The following TMEM237 variants were observed in gnomAD, a reference collection of about 807,000 sequenced individuals.
TMEM237 encodes transmembrane protein 237.
Under a neutral mutation model 59.1 loss-of-function variants are expected in TMEM237, and 51 were observed. The observed-to-expected ratio is 0.86, with a 90% CI of 0.69 to 1.09. The LOEUF (loss-of-function observed/expected upper bound fraction) is 1.09. TMEM237 is among the 50% of genes least tolerant of loss of function. The pLI is 0.00. For missense variants in TMEM237, 475 were observed against 478.3 expected, an observed-to-expected ratio of 0.99 and a Z score of 0.06; for synonymous variants, 140 against 166.1, an observed-to-expected ratio of 0.84 and a Z score of 1.21.
intron 7 of TMEM237, chr2:201,630,860 G>C (rs1436784620): frequency 6.6e-6 from 1 of 152,006 alleles, no homozygotes; most frequent in Non-Finnish European, 1.5e-5. Context: ...GTTTCTTATT[G>C]GCCAAGAACT....
At chr2:201,633,200 A>T in intron 6 of TMEM237, 111 bp downstream of exon 6, 1 of 1,086,312 alleles carries the variant, frequency 9.2e-7, no homozygotes, top group Non-Finnish European at 1.2e-6. Context: ...TCCTAGAGGT[A>T]CACAAATACA....
rs569136968 is a variant in TMEM237, at chr2:201,629,073, C to A, written c.869+157G>T. 2.0e-5 allele frequency among the ~76,000 whole-genome samples: 3 copies of A among 152,224 alleles called. No individual in the cohort carries two copies. In the South Asian group the frequency reaches 6.2e-4, roughly 32 times the overall value. On this transcript the variant is annotated intron_variant, in intron 9 of 12. Coordinates refer to ENST00000409883, the MANE Select transcript of TMEM237 (RefSeq NM_001044385.3). ...AATATTTTGTTTACAATGGTCTCAT[C>A]CCCTCAAAAAAGAACAGAAGTAGAC...
At chr2:201,625,919 G>T in intron 12 of TMEM237, 107 bp downstream of exon 12, 2 of 1,110,626 alleles carry the variant, frequency 1.8e-6, no homozygotes, top group Non-Finnish European at 1.2e-6. Flanking sequence ...TAATTTAAAT[G>T]TGTCTTTGTT....
chr2:201,642,877 G>A (rs1322661880), intron 1 of TMEM237: 3 of 1,335,734 alleles, frequency 2.2e-6, no homozygotes, highest in Admixed American at 3.9e-5. Context: ...GAAATCTGGC[G>A]ACCGTGGCGC....
chr2:201,624,341 A>G lies in TMEM237; in HGVS notation c.1160-19T>C. 6.3e-7 allele frequency: 1 copy of G among 1,599,422 alleles called. No individual in the cohort carries two copies. On this transcript the variant is annotated intron_variant, in intron 12 of 12. Transcript: ENST00000409883. ...ATTAACTCTGGAGAAGAAAATGAACAGATCATACTTAAAATTGTTTCCCAG... is the reference window on the plus strand; with the variant it reads ...ATTAACTCTGGAGAAGAAAATGAACGGATCATACTTAAAATTGTTTCCCAG...
At position 201,633,406 on chromosome 2, in the gene TMEM237, C is replaced by A. The variant is rs757355382; in HGVS notation, c.300G>T (p.Lys100Asn). ...PLELETSSTQKKSSSSSLLRN... is the reference protein window; with the variant it reads ...PLELETSSTQNKSSSSSLLRN... ...GTAATAAAGATGAACTAGATGACTT[C>A]TTTTGGGTGGAGGAAGTCTCCAATT... Residue 100 changes from lysine (K) to asparagine (N), a missense_variant, in exon 6 of 13, where the codon AAG (lysine) becomes AAT (asparagine). Lys to Asn is a moderately conservative substitution (Grantham distance 94). Coordinates refer to ENST00000409883, the MANE Select transcript of TMEM237 (RefSeq NM_001044385.3). The A allele has an allele frequency of 3.8e-5, 59 of 1,568,182 alleles. No individual in the cohort carries two copies. Among genetic ancestry groups the A allele is most frequent in the Non-Finnish European group, 4.9e-5 (57 of 1,156,416 alleles).
intron 1 of TMEM237, among the ~76,000 whole-genome samples, chr2:201,641,730 T>TACAC (rs10673016): frequency 2.7e-5 from 4 of 150,740 alleles, no homozygotes; most frequent in Non-Finnish European, 3.0e-5. Flanking sequence ...ATACACAAGA[T>TACAC]ACACACACAC....
chr2:201,641,241 C>T (rs1383870118), intron 1 of TMEM237, among the ~76,000 whole-genome samples: 1 of 152,164 alleles, frequency 6.6e-6, no homozygotes, highest in Non-Finnish European at 1.5e-5. Context: ...ATCCGCCCAC[C>T]TTGGCCTCTG....
chr2:201,634,219 G>C (rs1447703464), intron 5 of TMEM237, among the ~76,000 whole-genome samples: 1 of 152,086 alleles, frequency 6.6e-6, no homozygotes, highest in African/African-American at 2.4e-5. Flanking sequence ...CTGCACACAG[G>C]GTAGGTATTA....
intron 4 of TMEM237, among the ~76,000 whole-genome samples, chr2:201,638,252 GTTGT>G (rs368407382): frequency 3.3e-5 from 5 of 152,156 alleles, no homozygotes; most frequent in East Asian, 1.9e-4. Flanking sequence ...TGTTTTTGTT[GTTGT>G]TTGTTTGTTT....
intron 7 of TMEM237, 71 bp downstream of exon 7, chr2:201,631,980 T>A (rs1396006627): frequency 6.6e-7 from 1 of 1,507,776 alleles, no homozygotes; most frequent in East Asian, 2.3e-5. Flanking sequence ...AATTCAGATT[T>A]CCAGAAGTAT....
chr2:201,629,487 A>T, intron 8 of TMEM237, 66 bp from the exon 9 acceptor site: 1 of 1,418,098 alleles, frequency 7.1e-7, no homozygotes, highest in Non-Finnish European at 9.3e-7. Flanking sequence ...ACATGTTTAA[A>T]ATCTCTTCAT....
chr2:201,638,962 C>T (rs1459456518), intron 4 of TMEM237, 27 bp downstream of exon 4: 2 of 1,564,400 alleles, frequency 1.3e-6, no homozygotes, highest in African/African-American at 2.7e-5. Flanking sequence ...AACTTGTGAT[C>T]CCACACAACA....
At chr2:201,638,136 A>C (rs543771224) in intron 4 of TMEM237, among the ~76,000 whole-genome samples, 3 of 152,370 alleles carry the variant, frequency 2.0e-5, no homozygotes, top group South Asian at 2.1e-4. Flanking sequence ...ATAACAGAGC[A>C]GTGATTATGG....
rs1687289468 is a variant in TMEM237 at position 201,635,819 on chromosome 2, C to T, written c.274+929G>A. On this transcript the variant is annotated intron_variant, in intron 5 of 12. Coordinates refer to ENST00000409883, the MANE Select transcript of TMEM237 (RefSeq NM_001044385.3). The surrounding 1 kb of genome is among the most constrained non-coding windows in gnomAD (Gnocchi z 4.5). Reference sequence around the variant, plus strand: ...AGGAAGGATTCTTTTCTAGAGACTTCAGAGGGAGCATAGTCCTGCAGACAA... The same window carrying T: ...AGGAAGGATTCTTTTCTAGAGACTTTAGAGGGAGCATAGTCCTGCAGACAA... 6.6e-6 allele frequency among the ~76,000 whole-genome samples: 1 copy of T among 150,878 alleles called. No homozygotes were observed. The highest frequency in any genetic ancestry group is 1.5e-5 in the Non-Finnish European group (1 of 67,886).
rs1274114003 is a variant in TMEM237, at chr2:201,622,575, A to G, written c.*1680T>C. ...TCATGGCCCCCTCTTCCATCTTCAAAGCCAGCAATATCATAACTTCTGACC... is the reference window on the plus strand; with the variant it reads ...TCATGGCCCCCTCTTCCATCTTCAAGGCCAGCAATATCATAACTTCTGACC... On this transcript the variant is annotated 3_prime_UTR_variant, in exon 13 of 13. Coordinates refer to ENST00000409883, the MANE Select transcript of TMEM237 (RefSeq NM_001044385.3). 6.6e-6 allele frequency: 1 copy of G among 152,572 alleles called. No individual in the cohort carries two copies. The highest frequency in any genetic ancestry group is 1.5e-5 in the Non-Finnish European group (1 of 68,366). The allele number at this position is 152,572 out of a possible 1,614,324, so 9.5% of individuals were successfully genotyped here.
At position 201,643,088 on chromosome 2, in the gene TMEM237, G is replaced by A. The variant is rs1687464618; in HGVS notation, c.42+271C>T. 4.9e-6 allele frequency: 5 copies of A among 1,016,440 alleles called. No individual in the cohort carries two copies. Among genetic ancestry groups the A allele is most frequent in the Non-Finnish European group, 6.7e-6 (5 of 749,292 alleles). The allele number at this position is 1,016,440 out of a possible 1,614,324, so 63.0% of individuals were successfully genotyped here. A position where few individuals can be genotyped will look rare whatever the true frequency, so the allele number is the denominator to read the frequency against. On this transcript the variant is annotated intron_variant, in intron 1 of 12. Coordinates refer to ENST00000409883, the MANE Select transcript of TMEM237 (RefSeq NM_001044385.3). The surrounding 1 kb of genome is among the most constrained non-coding windows in gnomAD (Gnocchi z 4.3). ...CCGCCGGGCCCCGGGCCTCAGATGA[G>A]TGAGGCGTCGTCGTGGCAACGCGGG... is the stretch of plus-strand genomic sequence containing the variant.
chr2:201,623,382 T>G lies in TMEM237; in HGVS notation c.*873A>C. On this transcript the variant is annotated 3_prime_UTR_variant, in exon 13 of 13. Transcript: ENST00000409883. ...GCAGGACCCATCTCAAGAGGGGGAT[T>G]TCCTGGAAAACCAGAAACCTCTCTG... 1 of 162,322 alleles carries G rather than the reference T, an allele frequency of 6.2e-6. No individual in the cohort carries two copies. The highest frequency in any genetic ancestry group is 5.9e-5 in the Admixed American group (1 of 16,994). 10.1% of individuals were successfully genotyped at this position (162,322 alleles called of 1,614,324 possible). A position where few individuals can be genotyped will look rare whatever the true frequency, so the allele number is the denominator to read the frequency against.
Position 201,643,361 on chromosome 2 carries a change from G to A in TMEM237, c.40C>T (p.Leu14=), listed in dbSNP as rs1295338650. 2 of 1,544,760 alleles carry A rather than the reference G, an allele frequency of 1.3e-6. No individual in the cohort carries two copies. The highest frequency in any genetic ancestry group is 2.4e-5 in the South Asian group (2 of 83,752). The part of the protein sequence containing the change: ...DSGARLEEGH[L]RPPRALPPVP... ...CCGACGCGCCCCTCGCCGCTCACCA[G>A]GTGGCCCTCCTCCAGCCGAGCCCCC... The change falls in exon 1 of 13, where the codon CTG becomes TTG. Residue 14 remains leucine (L), a splice_region_variant and synonymous_variant. Coordinates refer to ENST00000409883, the MANE Select transcript of TMEM237 (RefSeq NM_001044385.3). This position sits in a 1 kb window ranked among gnomAD's most constrained non-coding sequence, Gnocchi z 4.3.
Sources: allele counts gnomAD v4.1 joint callset (sites outside exome capture counted in the v4.1 genomes callset), GRCh38; gene constraint gnomAD v4.1.1; non-coding constraint Gnocchi (gnomAD v3.1); transcripts MANE v1.5; gene names NCBI Gene and HGNC (gene_info 2026-07-23, HGNC 2026-07-21).